The following FGFR2 variants were observed in gnomAD, a reference collection of about 807,000 sequenced individuals.
FGFR2 encodes fibroblast growth factor receptor 2, also known as BEK fibroblast growth factor receptor.
FGFR2 carries 19 observed loss-of-function variants against 95.9 expected under a neutral mutation model. The observed-to-expected ratio is 0.20, with a 90% CI of 0.14 to 0.29. FGFR2 has a LOEUF of 0.29. Ranked by LOEUF, FGFR2 falls within the 10% of genes least tolerant of loss-of-function variation. FGFR2 has a pLI of 1.00. For missense variants in FGFR2, 707 were observed against 1,056.9 expected (o/e 0.67, Z 4.59); for synonymous variants, 392 against 393.3 (o/e 1.00, Z 0.04).
rs1182707629 is a variant in FGFR2 at position 121,524,139 on chromosome 10, CACACA to C, written c.749-3975_749-3971del. The stretch of plus-strand genomic sequence containing the variant: ...ACACACACACACACACACACACACA[CACACA>C]CACCCCAAGTTTGCAATGGTTTAAT... On this transcript the variant is annotated intron_variant, in intron 6 of 17. Coordinates refer to ENST00000358487, the MANE Select transcript of FGFR2 (RefSeq NM_000141.5). 5.4e-4 allele frequency among the ~76,000 whole-genome samples: 78 copies of C among 143,696 alleles called. 1 individual carries two copies. The highest frequency in any genetic ancestry group is 3.7e-3 in the Middle Eastern group (1 of 268). 94.3% of individuals were successfully genotyped at this position (143,696 alleles called of 152,430 possible). A position where few individuals can be genotyped will look rare whatever the true frequency, so the allele number is the denominator to read the frequency against.
At chr10:121,559,912 T>C (rs1450186213) in intron 4 of FGFR2, among the ~76,000 whole-genome samples, 1 of 152,216 alleles carries the variant, frequency 6.6e-6, no homozygotes, top group Non-Finnish European at 1.5e-5. Context: ...TGCATTCTAT[T>C]GCTTCACATG....
At chr10:121,582,330 G>T (rs1861072857) in intron 2 of FGFR2, among the ~76,000 whole-genome samples, 1 of 152,088 alleles carries the variant, frequency 6.6e-6, no homozygotes. Flanking sequence ...CACATAGTAG[G>T]TCTCAAAAAT....
Position 121,487,983 on chromosome 10 carries a change from C to T in FGFR2, c.1986+8G>A, listed in dbSNP as rs191042642. On this transcript the variant is annotated splice_region_variant and intron_variant, in intron 14 of 17. Coordinates refer to ENST00000358487, the MANE Select transcript of FGFR2 (RefSeq NM_000141.5). ...CCCCTGCCCACTGTGTTACTGCCAT[C>T]GACTTACATTGGTGGTCTTTTTGTA... 5.3e-5 allele frequency: 85 copies of T among 1,614,006 alleles called. No homozygotes were observed. The highest frequency in any genetic ancestry group is 6.6e-5 in the Non-Finnish European group (78 of 1,179,962).
At chr10:121,544,493 C>T (rs1589929376) in intron 5 of FGFR2, among the ~76,000 whole-genome samples, 1 of 147,424 alleles carries the variant, frequency 6.8e-6, no homozygotes, top group Admixed American at 6.7e-5. Flanking sequence ...GAATATAATT[C>T]AGCCATAAAA....
rs41295475 is a variant in FGFR2 at position 121,541,888 on chromosome 10, G to T, written c.625-3173C>A. Among the ~76,000 whole-genome samples, 346 of 152,096 alleles carry T rather than the reference G, an allele frequency of 2.3e-3. 1 individual carries two copies. Among genetic ancestry groups the T allele is most frequent in the African/African-American group, 6.1e-3 (253 of 41,518 alleles). On this transcript the variant is annotated intron_variant, in intron 5 of 17. Coordinates refer to ENST00000358487, the MANE Select transcript of FGFR2 (RefSeq NM_000141.5). ...AAAATTAGCAGCACACATTTTTTTT[G>T]ATCTAGTTAATTCTACTTCTAGAAA...
chr10:121,495,896 C>A (rs1005723675), intron 13 of FGFR2, among the ~76,000 whole-genome samples: 6 of 152,294 alleles, frequency 3.9e-5, no homozygotes, highest in African/African-American at 1.4e-4. Flanking sequence ...GACATCTGGG[C>A]ACCTGTCTAA....
intron 6 of FGFR2, among the ~76,000 whole-genome samples, chr10:121,524,146 A>ACACACACACACACC (rs142755962): frequency 3.7e-5 from 5 of 136,884 alleles, no homozygotes; most frequent in Admixed American, 1.4e-4. Context: ...ACACACACAC[A>ACACACACACACACC]CCCCAAGTTT....
intron 15 of FGFR2, among the ~76,000 whole-genome samples, chr10:121,486,323 T>C (rs1375184634): frequency 6.6e-6 from 1 of 152,138 alleles, no homozygotes; most frequent in Non-Finnish European, 1.5e-5. Context: ...CCTCAGTTGC[T>C]CACAGCAAAA....
chr10:121,483,843 C>T (rs1266427873), intron 16 of FGFR2, 40 bp from the exon 17 acceptor site: 1 of 1,470,782 alleles, frequency 6.8e-7, no homozygotes, highest in Admixed American at 1.8e-5. Flanking sequence ...TTCATATGCA[C>T]TGGGTACGTG....
In FGFR2 at chr10:121,517,084, A is replaced by C; in HGVS notation, c.1084+235T>G. The C allele has an allele frequency of 5.2e-6, 3 of 571,430 alleles. No homozygotes were observed. The highest frequency in any genetic ancestry group is 9.3e-6 in the Non-Finnish European group (3 of 321,980). 35.4% of individuals were successfully genotyped at this position (571,430 alleles called of 1,614,324 possible). Reference sequence around the variant, plus strand: ...GGCTCAATGACTCACTAAAAATATGAGATCCCTTCAGGTTTTAAGGGTGAA... The same window carrying C: ...GGCTCAATGACTCACTAAAAATATGCGATCCCTTCAGGTTTTAAGGGTGAA... On this transcript the variant is annotated intron_variant, in intron 8 of 17. Coordinates refer to ENST00000358487, the MANE Select transcript of FGFR2 (RefSeq NM_000141.5). This position sits in a 1 kb window ranked among gnomAD's most constrained non-coding sequence, Gnocchi z 4.7.
rs2134224492 is a variant in FGFR2, at chr10:121,515,197, T to G, written c.1207A>C (p.Thr403Pro). The G allele has an allele frequency of 2.5e-6, 4 of 1,614,214 alleles. No individual in the cohort carries two copies. Among genetic ancestry groups the G allele is most frequent in the Non-Finnish European group, 3.4e-6 (4 of 1,180,032 alleles). The change falls in exon 9 of 18, where the codon ACG becomes CCG. Residue 403 changes from threonine to proline, a missense_variant. This residue lies in a region of FGFR2 where 194 missense variants were observed against 267.3 expected (regional missense o/e 0.73). Coordinates refer to ENST00000358487, the MANE Select transcript of FGFR2 (RefSeq NM_000141.5). ...VTVILCRMKN[T>P]TKKPDFSSQP... ...CTGCTGAAGTCTGGCTTCTTGGTCG[T>G]GTTCTTCATTCGGCACAGGATGACT...
At chr10:121,480,787 A>G (rs540589297) in intron 17 of FGFR2, among the ~76,000 whole-genome samples, 4 of 152,274 alleles carry the variant, frequency 2.6e-5, no homozygotes, top group East Asian at 3.9e-4. Context: ...TCCCCAAGGC[A>G]TCCAGTGCTG....
At chr10:121,506,469 T>C (rs1848301220) in intron 9 of FGFR2, among the ~76,000 whole-genome samples, 1 of 150,544 alleles carries the variant, frequency 6.6e-6, no homozygotes, top group African/African-American at 2.4e-5. Context: ...GCGTAGCCCC[T>C]CATCACTGGA....
Position 121,520,120 on chromosome 10 carries a change from G to A in FGFR2, c.798C>T (p.Ala266=), listed in dbSNP as rs1850307668. The A allele has an allele frequency of 6.2e-7, 1 of 1,613,958 alleles. No individual in the cohort carries two copies. The highest frequency in any genetic ancestry group is 1.3e-5 in the African/African-American group (1 of 74,932). ...PILQAGLPAN[A]STVVGGDVEF... is the part of the protein sequence containing the mutation. ...CTACGTCTCCTCCGACCACTGTGGA[G>A]GCATTTGCCGGCAGTCCGGCTTGGA... Residue 266 remains alanine (A), a synonymous_variant, in exon 7 of 18, where the codon GCC becomes GCT. Coordinates refer to ENST00000358487, the MANE Select transcript of FGFR2 (RefSeq NM_000141.5).
At chr10:121,520,193 A>G in intron 6 of FGFR2, 24 bp from the exon 7 acceptor site, 1 of 1,605,890 alleles carries the variant, frequency 6.2e-7, no homozygotes, top group Non-Finnish European at 8.5e-7. Context: ...GGAAGAAAGG[A>G]GGAGTGGGGA....
chr10:121,564,095 C>G (rs557550464), intron 4 of FGFR2, among the ~76,000 whole-genome samples: 62 of 152,270 alleles, frequency 4.1e-4, no homozygotes, highest in Non-Finnish European at 6.9e-4. Flanking sequence ...GCCCAATGTG[C>G]CGGGAGAGCA....
intron 9 of FGFR2, among the ~76,000 whole-genome samples, chr10:121,509,482 C>CTTT (rs67778522): frequency 7.5e-4 from 34 of 45,342 alleles, no homozygotes; most frequent in African/African-American, 2.2e-3. Context: ...TGTTTCTTTT[C>CTTT]TTTTTTTTTT....
chr10:121,596,687 C>T (rs770134276), intron 1 of FGFR2: 27 of 197,150 alleles, frequency 1.4e-4, no homozygotes, highest in Non-Finnish European at 2.6e-4. Context: ...CCACAAAGCC[C>T]TCCCGGTTTA....
At chr10:121,541,411 T>C (rs1473073587) in intron 5 of FGFR2, among the ~76,000 whole-genome samples, 1 of 152,186 alleles carries the variant, frequency 6.6e-6, no homozygotes, top group Non-Finnish European at 1.5e-5. Flanking sequence ...GAAACTACAA[T>C]AGTTAACTTT....
Sources: allele counts gnomAD v4.1 joint callset (sites outside exome capture counted in the v4.1 genomes callset), GRCh38; gene constraint gnomAD v4.1.1; regional missense constraint gnomAD v4.1.1; non-coding constraint Gnocchi (gnomAD v3.1); transcripts MANE v1.5; gene names NCBI Gene and HGNC (gene_info 2026-07-23, HGNC 2026-07-21).